The following BACE2 variants were observed in gnomAD, a reference collection of about 807,000 sequenced individuals.
BACE2 encodes beta-secretase 2, also known as 56 kDa aspartic-like protease.
Under a neutral mutation model 46.2 loss-of-function variants are expected in BACE2, and 17 were observed. That is an observed-to-expected ratio of 0.37 (90% CI 0.25 to 0.55). The LOEUF is 0.55. BACE2 is among the 20% of genes least tolerant of loss of function. The probability of loss-of-function intolerance (pLI) is 0.82; values close to 1 mark genes in which losing one functional copy is unlikely to be tolerated. For synonymous variants in BACE2, 277 were observed against 295.9 expected (o/e 0.94, Z 0.66); for missense variants, 595 against 698.1 (o/e 0.85, Z 1.66).
Position 41,193,430 on chromosome 21 carries a change from G to A in BACE2, c.312+24855G>A, listed in dbSNP as rs577521390. Among the ~76,000 whole-genome samples, 22 of 152,250 alleles carry A rather than the reference G, an allele frequency of 1.4e-4. No individual in the cohort carries two copies. Among genetic ancestry groups the A allele is most frequent in the Non-Finnish European group, 2.9e-4 (20 of 68,054 alleles). ...AACCCACTGTCATTCTCCAAGATCC[G>A]TCTGTCTTCTGCACAGGCCAGATGG... On this transcript the variant is annotated intron_variant, in intron 1 of 8. Transcript: ENST00000330333. The surrounding 1 kb of genome is among the most constrained non-coding windows in gnomAD (Gnocchi z 4.2).
intron 1 of BACE2, among the ~76,000 whole-genome samples, chr21:41,209,688 G>A (rs1347754644): frequency 6.6e-6 from 1 of 152,142 alleles, no homozygotes; most frequent in Non-Finnish European, 1.5e-5. Context: ...CAGAGAGGGT[G>A]GCAACCCTCA....
At chr21:41,171,493 C>T (rs1227739343) in intron 1 of BACE2, among the ~76,000 whole-genome samples, 1 of 152,254 alleles carries the variant, frequency 6.6e-6, no homozygotes, top group Non-Finnish European at 1.5e-5. Context: ...TGTGTGCTGG[C>T]AGGCAGGGCC....
At chr21:41,197,202 C>T (rs1985765861) in intron 1 of BACE2, among the ~76,000 whole-genome samples, 2 of 151,852 alleles carry the variant, frequency 1.3e-5, no homozygotes, top group Admixed American at 1.3e-4. Context: ...CTTAAGGATC[C>T]TCCCACCTTC....
chr21:41,236,035 G>A lies in BACE2; in HGVS notation c.402-1478G>A, dbSNP rs750999821. ...ATCAAGCCTGCAGGTGAGCAGGATC[G>A]CTTTAGTATGATCTACTGGGTGATT... On this transcript the variant is annotated intron_variant, in intron 2 of 8. Transcript: ENST00000330333. 4.6e-5 allele frequency among the ~76,000 whole-genome samples: 7 copies of A among 152,196 alleles called. No homozygotes were observed. In the East Asian group the frequency reaches 7.7e-4, roughly 17 times the overall value.
intron 2 of BACE2, among the ~76,000 whole-genome samples, chr21:41,234,174 A>C (rs1478377949): frequency 6.6e-6 from 1 of 152,062 alleles, no homozygotes; most frequent in African/African-American, 2.4e-5. Context: ...ATAAGGGGAA[A>C]TCCCTTTCAC....
intron 1 of BACE2, chr21:41,186,642 G>A (rs1216585375): frequency 6.6e-6 from 1 of 152,268 alleles, no homozygotes; most frequent in Non-Finnish European, 1.5e-5. Flanking sequence ...GCTTAGCCTG[G>A]GAGAGTTCTT....
intron 1 of BACE2, among the ~76,000 whole-genome samples, chr21:41,204,800 A>C (rs1374305011): frequency 6.6e-6 from 1 of 152,254 alleles, no homozygotes; most frequent in Non-Finnish European, 1.5e-5. Flanking sequence ...CTTTCAAAAT[A>C]TCTGGACACC....
chr21:41,273,371 C>T (rs1268244649), intron 8 of BACE2, among the ~76,000 whole-genome samples: 1 of 152,156 alleles, frequency 6.6e-6, no homozygotes, highest in African/African-American at 2.4e-5. Context: ...CTTATTTCAT[C>T]CCTTATCGGC....
intron 1 of BACE2, chr21:41,186,185 C>G (rs1296866784): frequency 6.6e-6 from 1 of 152,230 alleles, no homozygotes; most frequent in Non-Finnish European, 1.5e-5. Context: ...CAAAATGGCA[C>G]CAGCCAGTCT....
chr21:41,172,387 T>C (rs1447580527), intron 1 of BACE2, among the ~76,000 whole-genome samples: 1 of 152,212 alleles, frequency 6.6e-6, no homozygotes, highest in Non-Finnish European at 1.5e-5. Context: ...AAAGGGCACG[T>C]GAAGCCCTGT....
intron 1 of BACE2, among the ~76,000 whole-genome samples, chr21:41,204,759 G>A (rs547690709): frequency 3.3e-5 from 5 of 152,298 alleles, no homozygotes; most frequent in African/African-American, 1.2e-4. Flanking sequence ...AAAGAGGGAT[G>A]CATCTGTCAT....
intron 8 of BACE2, among the ~76,000 whole-genome samples, chr21:41,275,093 C>T (rs893383462): frequency 6.6e-6 from 1 of 152,224 alleles, no homozygotes; most frequent in African/African-American, 2.4e-5. Flanking sequence ...CCATGAAGCA[C>T]AGGGTGCTTC....
intron 1 of BACE2, among the ~76,000 whole-genome samples, chr21:41,203,728 G>A (rs1342383104): frequency 1.3e-5 from 2 of 152,056 alleles, no homozygotes; most frequent in Non-Finnish European, 2.9e-5. Context: ...CAGGCGCTGG[G>A]ACACCCCAAA....
intron 1 of BACE2, among the ~76,000 whole-genome samples, chr21:41,170,767 G>C (rs1984580092): frequency 6.6e-6 from 1 of 152,198 alleles, no homozygotes; most frequent in South Asian, 2.1e-4. Context: ...AAATGGAATT[G>C]TAAATTCAAG....
chr21:41,267,783 A>G (rs1395706685), intron 8 of BACE2, among the ~76,000 whole-genome samples: 2 of 152,118 alleles, frequency 1.3e-5, no homozygotes, highest in African/African-American at 4.8e-5. Flanking sequence ...TAGCTTTCAC[A>G]TGGTTGCAGA....
At chr21:41,216,804 G>C (rs10451740) in intron 1 of BACE2, among the ~76,000 whole-genome samples, 20,171 of 152,232 alleles carry the variant, frequency 0.13, 3,075 homozygotes, top group African/African-American at 0.37. Context: ...GCCGGGTGTG[G>C]GATCTCCTGA....
chr21:41,258,604 A>G (rs2837999), intron 8 of BACE2, among the ~76,000 whole-genome samples: 102,249 of 152,160 alleles, frequency 0.67, 34,794 homozygotes, highest in East Asian at 0.92. Flanking sequence ...TCATTAGCTG[A>G]CTTTAGCAGA....
intron 8 of BACE2, among the ~76,000 whole-genome samples, chr21:41,274,211 T>G (rs1306962556): frequency 1.3e-5 from 2 of 152,122 alleles, no homozygotes; most frequent in African/African-American, 4.8e-5. Context: ...GCCTTTCTTT[T>G]TCAGTGCACT....
At chr21:41,172,999 T>G (rs1264455407) in intron 1 of BACE2, among the ~76,000 whole-genome samples, 1 of 152,178 alleles carries the variant, frequency 6.6e-6, no homozygotes, top group Non-Finnish European at 1.5e-5. Flanking sequence ...TAAGTTTCTG[T>G]GGCCAAATTC....
Sources: allele counts gnomAD v4.1 joint callset (sites outside exome capture counted in the v4.1 genomes callset), GRCh38; gene constraint gnomAD v4.1.1; non-coding constraint Gnocchi (gnomAD v3.1); transcripts MANE v1.5; gene names NCBI Gene and HGNC (gene_info 2026-07-23, HGNC 2026-07-21).